DTWD2: variants seen among roughly 807,000 people sequenced by gnomAD.
DTWD2 encodes tRNA-uridine aminocarboxypropyltransferase 2.
DTWD2 carries 39 observed loss-of-function variants against 31.8 expected under a neutral mutation model. That is an observed-to-expected ratio of 1.22 (90% CI 0.95 to 1.60). DTWD2 has a LOEUF of 1.60. Ranked by LOEUF, DTWD2 falls within the 40% of genes most tolerant of loss-of-function variation. The pLI is 0.00. For synonymous variants in DTWD2, 180 were observed against 142.8 expected, an observed-to-expected ratio of 1.26 and a Z score of -1.86; for missense variants, 515 against 381.5, an observed-to-expected ratio of 1.35 and a Z score of -2.92.
chr5:118,917,822 A>T (rs987751949), intron 4 of DTWD2, among the ~76,000 whole-genome samples: 1 of 152,100 alleles, frequency 6.6e-6, no homozygotes, highest in African/African-American at 2.4e-5. Flanking sequence ...ATTATTAGCC[A>T]GGAGTAGTAG....
intron 1 of DTWD2, among the ~76,000 whole-genome samples, chr5:118,964,211 C>CG (rs1421962870): frequency 6.9e-6 from 1 of 144,670 alleles, no homozygotes; most frequent in East Asian, 2.0e-4. Flanking sequence ...GAGCAAGACT[C>CG]CATCTCAAAA....
At chr5:118,859,321 TTAA>T (rs1446512354) in intron 4 of DTWD2, among the ~76,000 whole-genome samples, 12 of 152,250 alleles carry the variant, frequency 7.9e-5, no homozygotes, top group Middle Eastern at 3.4e-3. Flanking sequence ...GATTAATGAG[TTAA>T]TAATCTCATA....
intron 1 of DTWD2, among the ~76,000 whole-genome samples, chr5:118,953,728 T>A (rs751260457): frequency 6.6e-6 from 1 of 152,208 alleles, no homozygotes; most frequent in Non-Finnish European, 1.5e-5. Flanking sequence ...ACCTTCCACC[T>A]GAGCTGGACT....
intron 1 of DTWD2, among the ~76,000 whole-genome samples, chr5:118,952,207 G>C (rs531597938): frequency 5.3e-5 from 8 of 152,350 alleles, no homozygotes; most frequent in African/African-American, 1.9e-4. Flanking sequence ...GGAGCAAAGA[G>C]CAGGAGGACA....
rs1013864171 is a variant in DTWD2, at chr5:118,924,599, A to G, written c.597+3938T>C. On this transcript the variant is annotated intron_variant, in intron 4 of 5. Coordinates refer to ENST00000510708, the MANE Select transcript of DTWD2 (RefSeq NM_173666.4). ...TTACTAATTAACTAAATCTTGCAAT[A>G]TACTAAAAATGTGAACAGGCAATTT... Among the ~76,000 whole-genome samples, 8 of 152,238 alleles carry G rather than the reference A, an allele frequency of 5.3e-5. No homozygotes were observed. The East Asian group carries it at 1.5e-3, about 29-fold the overall frequency.
intron 4 of DTWD2, among the ~76,000 whole-genome samples, chr5:118,891,869 A>C (rs1277642806): frequency 6.6e-6 from 1 of 152,254 alleles, no homozygotes; most frequent in African/African-American, 2.4e-5. Flanking sequence ...TCTTAGCCTC[A>C]AACATCCAGA....
chr5:118,894,314 G>T (rs1321742816), intron 4 of DTWD2, among the ~76,000 whole-genome samples: 2 of 151,964 alleles, frequency 1.3e-5, no homozygotes, highest in Non-Finnish European at 2.9e-5. Context: ...CCAACTCCTA[G>T]CAAGATTTTT....
Position 118,873,981 on chromosome 5 carries a change from G to C in DTWD2, c.598-25763C>G, listed in dbSNP as rs1351372765. Among the ~76,000 whole-genome samples, 3 of 152,160 alleles carry C rather than the reference G, an allele frequency of 2.0e-5. No homozygotes were observed. In the East Asian group the frequency reaches 5.8e-4, roughly 29 times the overall value. On this transcript the variant is annotated intron_variant, in intron 4 of 5. Coordinates refer to ENST00000510708, the MANE Select transcript of DTWD2 (RefSeq NM_173666.4). ...ACTCTGTTGCAACTGCTGCAGCTTG[G>C]ACCCCCAAGTGCAGTGGATTCCAAG... is the stretch of plus-strand genomic sequence containing the variant.
At chr5:118,962,148 G>A (rs1754721094) in intron 1 of DTWD2, among the ~76,000 whole-genome samples, 1 of 152,080 alleles carries the variant, frequency 6.6e-6, no homozygotes, top group African/African-American at 2.4e-5. Flanking sequence ...TGAGGCAGGA[G>A]AATTGCTTGA....
At position 118,948,260 on chromosome 5, in the gene DTWD2, G is replaced by A. The variant is rs140917430; in HGVS notation, c.219-3611C>T. Reference sequence around the variant, plus strand: ...GGAGGCCGAGGCGGGCGGATCACAAGGTCAGGAGTTAGGGACCTTCCTGGC... The same window carrying A: ...GGAGGCCGAGGCGGGCGGATCACAAAGTCAGGAGTTAGGGACCTTCCTGGC... On this transcript the variant is annotated intron_variant, in intron 1 of 5. Transcript: ENST00000510708. Among the ~76,000 whole-genome samples, 461 of 152,210 alleles carry A rather than the reference G, an allele frequency of 3.0e-3. 4 individuals carry two copies. The highest frequency in any genetic ancestry group is 5.5e-3 in the Non-Finnish European group (377 of 68,010).
chr5:118,891,452 C>G (rs1342483435), intron 4 of DTWD2, among the ~76,000 whole-genome samples: 1 of 152,152 alleles, frequency 6.6e-6, no homozygotes, highest in African/African-American at 2.4e-5. Flanking sequence ...GCTTCTCCAC[C>G]ATTACCTTTG....
chr5:118,945,274 T>C (rs1420687332), intron 1 of DTWD2, among the ~76,000 whole-genome samples: 1 of 152,156 alleles, frequency 6.6e-6, no homozygotes, highest in Non-Finnish European at 1.5e-5. Flanking sequence ...TTTACTACTG[T>C]TTAGGTAACT....
chr5:118,897,899 C>T (rs1753117613), intron 4 of DTWD2, among the ~76,000 whole-genome samples: 1 of 152,128 alleles, frequency 6.6e-6, no homozygotes. Flanking sequence ...GACAGGGTCT[C>T]ACTCCTACGC....
At chr5:118,848,296 A>C (rs1172021595) in intron 4 of DTWD2, 78 bp from the exon 5 acceptor site, 2 of 1,327,310 alleles carry the variant, frequency 1.5e-6, no homozygotes, top group East Asian at 5.4e-5. Context: ...AATACTAATT[A>C]CTTTCCTTCC....
At chr5:118,885,214 G>T (rs1264008951) in intron 4 of DTWD2, among the ~76,000 whole-genome samples, 1 of 151,412 alleles carries the variant, frequency 6.6e-6, no homozygotes, top group Non-Finnish European at 1.5e-5. Flanking sequence ...AACATTTTGG[G>T]AGGCCCAGGT....
intron 4 of DTWD2, among the ~76,000 whole-genome samples, chr5:118,864,590 C>A (rs542649155): frequency 6.7e-6 from 1 of 149,170 alleles, no homozygotes; most frequent in South Asian, 2.1e-4. Context: ...TCCTAACCTC[C>A]CATGGAGATT....
intron 4 of DTWD2, among the ~76,000 whole-genome samples, chr5:118,904,969 G>A (rs1157889107): frequency 6.6e-6 from 1 of 152,068 alleles, no homozygotes; most frequent in Non-Finnish European, 1.5e-5. Flanking sequence ...AGCAGTATAA[G>A]AACTCCAAGA....
intron 1 of DTWD2, chr5:118,974,669 A>C (rs1281577322): frequency 2.0e-6 from 1 of 505,622 alleles, no homozygotes; most frequent in Non-Finnish European, 4.0e-6. Flanking sequence ...GATGGTTAAA[A>C]AGGCCAAAGA....
At chr5:118,963,412 G>A (rs1349700179) in intron 1 of DTWD2, among the ~76,000 whole-genome samples, 1 of 152,202 alleles carries the variant, frequency 6.6e-6, no homozygotes, top group Non-Finnish European at 1.5e-5. Flanking sequence ...TTTTGGGGGA[G>A]CAGTTCAGTG....
Sources: allele counts gnomAD v4.1 joint callset (sites outside exome capture counted in the v4.1 genomes callset), GRCh38; gene constraint gnomAD v4.1.1; transcripts MANE v1.5; gene names NCBI Gene and HGNC (gene_info 2026-07-23, HGNC 2026-07-21).